Variants in KCNIP4 observed in about 807,000 individuals in gnomAD.
KCNIP4 encodes Kv channel-interacting protein 4.
In KCNIP4, 12 loss-of-function variants were observed where a neutral mutation model predicts 34.0. The ratio of observed to expected loss-of-function variants is 0.35; its 90% CI spans 0.23 to 0.57. The LOEUF (loss-of-function observed/expected upper bound fraction) is 0.57, where lower values mean the gene tolerates loss of function less well. KCNIP4 is among the 20% of genes least tolerant of loss of function. KCNIP4 has a pLI of 0.83. For missense variants in KCNIP4, 238 were observed against 311.7 expected (o/e 0.76, Z 1.78); for synonymous variants, 124 against 102.2 (o/e 1.21, Z -1.29).
chr4:21,948,449 T>TTC, intron 1 of KCNIP4, 122 bp downstream of exon 1: 1 of 1,074,890 alleles, frequency 9.3e-7, no homozygotes, highest in Non-Finnish European at 1.3e-6. Flanking sequence ...GCCAGGTGAC[T>TTC]GTGTCTCATG....
intron 1 of KCNIP4, among the ~76,000 whole-genome samples, chr4:21,550,730 A>T (rs1433181509): frequency 1.3e-5 from 2 of 152,138 alleles, no homozygotes; most frequent in African/African-American, 4.8e-5. Flanking sequence ...GGAATAGAAG[A>T]TTCCAGGACA....
rs146941300 is a variant in KCNIP4 at position 21,066,479 on chromosome 4, G to A, written c.62-183770C>T. 1.7e-3 allele frequency among the ~76,000 whole-genome samples: 256 copies of A among 152,290 alleles called. 2 individuals carry two copies. Among genetic ancestry groups the A allele is most frequent in the Non-Finnish European group, 2.8e-3 (191 of 68,020 alleles). On this transcript the variant is annotated intron_variant, in intron 1 of 8. Transcript: ENST00000382152. ...AAGAGGCACTGAAGAGGGTAGAAAA[G>A]ACAGTCTTTAATCACCTATACCATC...
At chr4:20,945,521 A>C (rs2149628076) in intron 1 of KCNIP4, among the ~76,000 whole-genome samples, 1 of 152,304 alleles carries the variant, frequency 6.6e-6, no homozygotes, top group Admixed American at 6.5e-5. Flanking sequence ...TCAAAGCCTT[A>C]TGCAAACAAA....
At chr4:21,037,146 A>T (rs1333646284) in intron 1 of KCNIP4, among the ~76,000 whole-genome samples, 2 of 152,260 alleles carry the variant, frequency 1.3e-5, no homozygotes, top group Non-Finnish European at 2.9e-5. Context: ...AGTTTAAACA[A>T]TAATTGTTTA....
intron 1 of KCNIP4, among the ~76,000 whole-genome samples, chr4:21,384,649 A>G (rs1449683464): frequency 6.6e-6 from 1 of 152,232 alleles, no homozygotes; most frequent in Non-Finnish European, 1.5e-5. Context: ...ATCACAGTGA[A>G]TCAGAAAGGA....
intron 3 of KCNIP4, among the ~76,000 whole-genome samples, chr4:20,788,417 C>T (rs902225550): frequency 8.5e-5 from 13 of 152,142 alleles, no homozygotes; most frequent in Non-Finnish European, 1.5e-4. Context: ...ACAACTCTCT[C>T]TACCAAAAGT....
chr4:21,658,130 T>A (rs1405684331), intron 1 of KCNIP4, among the ~76,000 whole-genome samples: 2 of 152,028 alleles, frequency 1.3e-5, no homozygotes, highest in Non-Finnish European at 2.9e-5. Flanking sequence ...GAGCCACCGC[T>A]CCCAGCCTAA....
rs758695058 is a variant in KCNIP4 at position 21,378,175 on chromosome 4, AG to A, written c.62-495467del. On this transcript the variant is annotated intron_variant, in intron 1 of 8. Transcript: ENST00000382152. ...CATCAAGTTATCAGGCAATTCGTTT[AG>A]ATTAAACCTAGTGGAATACTCACAT... 1.1e-3 allele frequency among the ~76,000 whole-genome samples: 174 copies of A among 152,332 alleles called. 1 individual carries two copies. Among genetic ancestry groups the A allele is most frequent in the Middle Eastern group, 3.4e-3 (1 of 294 alleles).
At chr4:21,824,134 C>T (rs1024625369) in intron 1 of KCNIP4, among the ~76,000 whole-genome samples, 6 of 152,152 alleles carry the variant, frequency 3.9e-5, no homozygotes, top group African/African-American at 1.2e-4. Flanking sequence ...TCTGATCTAA[C>T]GGACTCCATC....
At chr4:21,740,246 A>C (rs946436305) in intron 1 of KCNIP4, among the ~76,000 whole-genome samples, 4 of 152,154 alleles carry the variant, frequency 2.6e-5, no homozygotes, top group African/African-American at 9.6e-5. Flanking sequence ...TTAAATATTT[A>C]TATATGCACA....
At chr4:21,168,496 A>G (rs1753795816) in intron 1 of KCNIP4, among the ~76,000 whole-genome samples, 1 of 152,184 alleles carries the variant, frequency 6.6e-6, no homozygotes, top group East Asian at 1.9e-4. Flanking sequence ...CATAGGCTAG[A>G]TAGGCTATGG....
intron 2 of KCNIP4, among the ~76,000 whole-genome samples, chr4:20,872,572 C>T (rs1723599173): frequency 6.6e-6 from 1 of 152,094 alleles, no homozygotes; most frequent in South Asian, 2.1e-4. Context: ...CCAGACTCAT[C>T]GACCAGACTC....
At chr4:21,791,906 G>T (rs1227897090) in intron 1 of KCNIP4, among the ~76,000 whole-genome samples, 1 of 148,018 alleles carries the variant, frequency 6.8e-6, no homozygotes, top group African/African-American at 2.5e-5. Context: ...GGAGGCTGAG[G>T]CAGGAGAATC....
intron 1 of KCNIP4, among the ~76,000 whole-genome samples, chr4:21,076,967 A>G (rs1021788916): frequency 3.9e-5 from 6 of 152,176 alleles, no homozygotes; most frequent in Admixed American, 3.9e-4. Context: ...TACTAAAAAC[A>G]CAAAAAAATT....
intron 1 of KCNIP4, among the ~76,000 whole-genome samples, chr4:21,115,140 G>A (rs12644941): frequency 0.14 from 21,777 of 151,948 alleles, 1,762 homozygotes; most frequent in East Asian, 0.23. Context: ...CTTCTGAAAC[G>A]CATTTCCTGT....
intron 1 of KCNIP4, among the ~76,000 whole-genome samples, chr4:20,955,713 T>C (rs1733230050): frequency 6.6e-6 from 1 of 152,212 alleles, no homozygotes; most frequent in Non-Finnish European, 1.5e-5. Flanking sequence ...AAGCTATTTC[T>C]GAGATACAAA....
intron 3 of KCNIP4, among the ~76,000 whole-genome samples, chr4:20,846,710 A>G (rs1306138526): frequency 6.6e-6 from 1 of 152,088 alleles, no homozygotes; most frequent in Non-Finnish European, 1.5e-5. Flanking sequence ...TGCGATTCCA[A>G]TGTAGCTAGC....
intron 1 of KCNIP4, among the ~76,000 whole-genome samples, chr4:21,418,704 G>C (rs986280981): frequency 6.6e-6 from 1 of 152,120 alleles, no homozygotes; most frequent in Admixed American, 6.6e-5. Context: ...CTTCAGGGGA[G>C]AGAGGAAGTG....
intron 1 of KCNIP4, among the ~76,000 whole-genome samples, chr4:21,728,610 G>A (rs374604632): frequency 5.9e-5 from 9 of 152,042 alleles, no homozygotes; most frequent in Admixed American, 6.6e-5. Flanking sequence ...TCCATTTGAG[G>A]AAAAAGCACT....
Sources: allele counts gnomAD v4.1 joint callset (sites outside exome capture counted in the v4.1 genomes callset), GRCh38; gene constraint gnomAD v4.1.1; transcripts MANE v1.5; gene names NCBI Gene and HGNC (gene_info 2026-07-23, HGNC 2026-07-21).